The following GATA4 variants were observed in gnomAD, a reference collection of about 807,000 sequenced individuals.
GATA4 encodes the protein transcription factor GATA-4.
A neutral mutation model predicts 37.9 loss-of-function variants in GATA4; 7 were observed. That is an observed-to-expected ratio of 0.18 (90% CI 0.11 to 0.35). The LOEUF (loss-of-function observed/expected upper bound fraction) is 0.35, where lower values mean the gene tolerates loss of function less well. Ranked by LOEUF, GATA4 falls within the 10% of genes least tolerant of loss-of-function variation. The pLI is 1.00. For missense variants in GATA4, 647 were observed against 653.0 expected (o/e 0.99, Z 0.10); for synonymous variants, 372 against 292.6 (o/e 1.27, Z -2.77).
intron 4 of GATA4, among the ~76,000 whole-genome samples, chr8:11,754,039 C>T (rs1390031207): frequency 6.6e-6 from 1 of 152,212 alleles, no homozygotes; most frequent in Non-Finnish European, 1.5e-5. Context: ...AACCTGGTCA[C>T]AGGGCAGTCT....
intron 1 of GATA4, chr8:11,680,795 G>A (rs372005460): frequency 5.1e-6 from 5 of 985,282 alleles, no homozygotes; most frequent in Non-Finnish European, 6.0e-6. Context: ...CCCGCCCCTC[G>A]CCCTGCTCAC....
At chr8:11,712,181 C>T (rs189675610) in intron 2 of GATA4, among the ~76,000 whole-genome samples, 95 of 152,290 alleles carry the variant, frequency 6.2e-4, no homozygotes, top group African/African-American at 2.1e-3. Flanking sequence ...ATTGAATAGC[C>T]ACTCACTGTC....
chr8:11,682,748 T>G (rs900731847), intron 1 of GATA4, among the ~76,000 whole-genome samples: 2 of 152,208 alleles, frequency 1.3e-5, no homozygotes, highest in Admixed American at 6.5e-5. Flanking sequence ...ATTTGGAAAG[T>G]TACTATCCTA....
At chr8:11,717,693 G>A (rs1044439727) in intron 2 of GATA4, among the ~76,000 whole-genome samples, 5 of 152,234 alleles carry the variant, frequency 3.3e-5, no homozygotes, top group East Asian at 3.9e-4. Context: ...GCTCCCATCC[G>A]CTTCCTCTCC....
intron 1 of GATA4, among the ~76,000 whole-genome samples, chr8:11,704,583 G>C (rs1799808219): frequency 6.6e-6 from 1 of 152,224 alleles, no homozygotes; most frequent in Non-Finnish European, 1.5e-5. Flanking sequence ...CCCTGTCCCC[G>C]TGTGCACATT....
chr8:11,709,078 A>G lies in GATA4; in HGVS notation c.616+150A>G, dbSNP rs975934267. On this transcript the variant is annotated intron_variant, in intron 2 of 6. Transcript: ENST00000532059. This position sits in a 1 kb window ranked among gnomAD's most constrained non-coding sequence, Gnocchi z 4.3. ...CGAGTTTCTAGGGAAGGCAGAAGCC[A>G]GTGCGGGGCTGGCGACATCACAGCC... 4.7e-6 allele frequency: 4 copies of G among 855,940 alleles called. No homozygotes were observed. The highest frequency in any genetic ancestry group is 5.0e-6 in the Non-Finnish European group (3 of 603,394). 53.0% of individuals were successfully genotyped at this position (855,940 alleles called of 1,614,324 possible). A position where few individuals can be genotyped will look rare whatever the true frequency, so the allele number is the denominator to read the frequency against.
chr8:11,677,851 C>T (rs1798832149), intron 1 of GATA4, among the ~76,000 whole-genome samples: 1 of 152,018 alleles, frequency 6.6e-6, no homozygotes, highest in South Asian at 2.1e-4. Flanking sequence ...TCGTAGTTTT[C>T]TTCCCCAGGC....
chr8:11,693,370 A>G (rs1799387457), intron 1 of GATA4, among the ~76,000 whole-genome samples: 1 of 151,948 alleles, frequency 6.6e-6, no homozygotes, highest in Non-Finnish European at 1.5e-5. Context: ...TGAGGTGGGA[A>G]GATGTGAGCC....
chr8:11,744,541 G>T (rs190558305), intron 2 of GATA4, among the ~76,000 whole-genome samples: 197 of 152,302 alleles, frequency 1.3e-3, no homozygotes, highest in African/African-American at 4.7e-3. Flanking sequence ...AATGAGAAGT[G>T]GTGCTTACCG....
At chr8:11,739,227 A>G (rs1032779732) in intron 2 of GATA4, among the ~76,000 whole-genome samples, 2 of 152,250 alleles carry the variant, frequency 1.3e-5, no homozygotes, top group Admixed American at 6.5e-5. Context: ...GGAAGAGAAA[A>G]TCTGAAGAAC....
Position 11,749,070 on chromosome 8 carries a change from G to A in GATA4, c.771G>A (p.Lys257=). 6.2e-7 allele frequency: 1 copy of A among 1,614,214 alleles called. No homozygotes were observed. ...KMNGINRPLI[K]PQRRLSASRR... ...ACGGCATCAACCGGCCGCTCATCAA[G>A]CCTCAGCGCCGGCTGGTAAGCACGT... The change falls in exon 3 of 7, where the codon AAG becomes AAA. Residue 257 remains lysine, a synonymous_variant. Transcript: ENST00000532059. The surrounding 1 kb of genome is among the most constrained non-coding windows in gnomAD (Gnocchi z 4.6).
At chr8:11,748,831 C>A (rs1203752733) in intron 2 of GATA4, 85 bp from the exon 3 acceptor site, 1 of 1,475,760 alleles carries the variant, frequency 6.8e-7, no homozygotes, top group Non-Finnish European at 9.5e-7. Context: ...TGTTTCTGTG[C>A]GCTCTAGATT....
At chr8:11,687,473 C>T (rs1043058598) in intron 1 of GATA4, among the ~76,000 whole-genome samples, 3 of 152,136 alleles carry the variant, frequency 2.0e-5, no homozygotes, top group Non-Finnish European at 4.4e-5. Context: ...CCAAACAGAG[C>T]TCTGTGCCCT....
intron 4 of GATA4, among the ~76,000 whole-genome samples, chr8:11,752,954 A>T (rs1802372881): frequency 1.3e-5 from 2 of 152,242 alleles, no homozygotes; most frequent in African/African-American, 4.8e-5. Flanking sequence ...TGGGAATGGT[A>T]CAAGAAACTT....
At position 11,755,081 on chromosome 8, in the gene GATA4, C is replaced by A. The variant is rs1441537557; in HGVS notation, c.948C>A (p.Ile316=). The stretch of plus-strand genomic sequence containing the variant: ...CTCTTGCAATGCGGAAAGAGGGGAT[C>A]CAAACCAGAAAACGGAAGCCCAAGA... ...PRPLAMRKEG[I]QTRKRKPKNL... Residue 316 remains isoleucine, a synonymous_variant, in exon 5 of 7, where the codon ATC becomes ATA. Coordinates refer to ENST00000532059, the MANE Select transcript of GATA4 (RefSeq NM_001308093.3). The A allele has an allele frequency of 6.2e-7, 1 of 1,613,980 alleles. No homozygotes were observed. Among genetic ancestry groups the A allele is most frequent in the African/African-American group, 1.3e-5 (1 of 74,912 alleles).
chr8:11,715,520 G>A (rs1451656236), intron 2 of GATA4, among the ~76,000 whole-genome samples: 7 of 145,320 alleles, frequency 4.8e-5, no homozygotes, highest in East Asian at 2.4e-4. Flanking sequence ...AGGCTGAGGC[G>A]GGCGGATCGT....
chr8:11,680,283 C>G (rs1798914670), intron 1 of GATA4, among the ~76,000 whole-genome samples: 1 of 152,342 alleles, frequency 6.6e-6, no homozygotes, highest in Non-Finnish European at 1.5e-5. Context: ...GTGGAGCAGG[C>G]TACTTCAGCA....
rs914668050 is a variant in GATA4 at position 11,742,983 on chromosome 8, G to T, written c.617-5933G>T. 4.1e-4 allele frequency among the ~76,000 whole-genome samples: 62 copies of T among 152,192 alleles called. 2 individuals carry two copies. The highest frequency in any genetic ancestry group is 1.5e-4 in the Non-Finnish European group (10 of 68,028). On this transcript the variant is annotated intron_variant, in intron 2 of 6. Transcript: ENST00000532059. ...CCTGCCCAGTCTGGGCTGGGGTCTG[G>T]CCTTTTCCAAGAAAGCCTTCTGTGT...
chr8:11,695,690 C>T (rs952906872), intron 1 of GATA4, among the ~76,000 whole-genome samples: 4 of 152,188 alleles, frequency 2.6e-5, no homozygotes, highest in African/African-American at 7.2e-5. Flanking sequence ...TTGAAAGGGA[C>T]TTAGCAATCC....
Sources: gnomAD v4.1 joint callset for allele counts (sites outside exome capture counted in the v4.1 genomes callset) on GRCh38, gnomAD v4.1.1 for gene constraint, Gnocchi (gnomAD v3.1) non-coding constraint, MANE v1.5 for transcripts, NCBI Gene and HGNC (gene_info 2026-07-23, HGNC 2026-07-21) for gene names.